The following KIAA0753 variants were observed in gnomAD, a reference collection of about 807,000 sequenced individuals.
KIAA0753 encodes KIAA0753.
KIAA0753 carries 114 observed loss-of-function variants against 116.9 expected under a neutral mutation model. That is an observed-to-expected ratio of 0.98 (90% CI 0.84 to 1.14). The LOEUF is 1.14. Ranked by LOEUF, KIAA0753 falls within the 50% of genes most tolerant of loss-of-function variation. KIAA0753 has a pLI of 0.00. For missense variants in KIAA0753, 1,156 were observed against 1,172.4 expected, an observed-to-expected ratio of 0.99 and a Z score of 0.20; for synonymous variants, 405 against 413.1, an observed-to-expected ratio of 0.98 and a Z score of 0.24.
chr17:6,598,175 G>A (rs1421140454), intron 14 of KIAA0753, among the ~76,000 whole-genome samples: 1 of 152,070 alleles, frequency 6.6e-6, no homozygotes, highest in Non-Finnish European at 1.5e-5. Flanking sequence ...ATATTAAAGT[G>A]CAGTATGGAG....
intron 16 of KIAA0753, among the ~76,000 whole-genome samples, chr17:6,591,274 T>C: frequency 6.6e-6 from 1 of 152,206 alleles, no homozygotes; most frequent in South Asian, 2.1e-4. Flanking sequence ...GTATTTCAAG[T>C]GTAGGAAGAA....
At chr17:6,633,160 G>GA (rs1972107375) in intron 2 of KIAA0753, among the ~76,000 whole-genome samples, 1 of 152,190 alleles carries the variant, frequency 6.6e-6, no homozygotes, top group African/African-American at 2.4e-5. Flanking sequence ...AAATGGTTTA[G>GA]AAAATAATTT....
At chr17:6,602,373 A>G (rs1215732674) in intron 12 of KIAA0753, among the ~76,000 whole-genome samples, 1 of 152,248 alleles carries the variant, frequency 6.6e-6, no homozygotes, top group Non-Finnish European at 1.5e-5. Context: ...CCAAATGTCA[A>G]TTCACAAGAG....
At chr17:6,591,218 A>T (rs193247550) in intron 16 of KIAA0753, among the ~76,000 whole-genome samples, 1 of 152,380 alleles carries the variant, frequency 6.6e-6, no homozygotes, top group East Asian at 1.9e-4. Context: ...TATAACTTGC[A>T]GGCTTGACAG....
At chr17:6,582,607 T>C (rs1968259974) in intron 18 of KIAA0753, among the ~76,000 whole-genome samples, 1 of 152,226 alleles carries the variant, frequency 6.6e-6, no homozygotes. Context: ...TTTAATGTTA[T>C]TCTGATTTGA....
At position 6,596,313 on chromosome 17, in the gene KIAA0753, T is replaced by C. The variant is rs778661528; in HGVS notation, c.2203A>G (p.Ile735Val). The C allele has an allele frequency of 6.2e-7, 1 of 1,612,118 alleles. No homozygotes were observed. Among genetic ancestry groups the C allele is most frequent in the Non-Finnish European group, 8.5e-7 (1 of 1,179,620 alleles). The change falls in exon 15 of 19, where the codon ATT becomes GTT. Residue 735 changes from isoleucine to valine, a missense_variant. Physicochemically the swap from Ile to Val is conservative, Grantham distance 29. Transcript: ENST00000361413. Reference protein sequence around the residue: ...VAAVDFESNNIRQLDDFLEDC... With the variant: ...VAAVDFESNNVRQLDDFLEDC... ...TCCAAAAAATCATCAAGCTGACGAA[T>C]GTTGTTGGATTCAAAATCAACAGCT... is the stretch of plus-strand genomic sequence containing the variant.
intron 11 of KIAA0753, 49 bp downstream of exon 11, chr17:6,607,131 AT>A: frequency 6.9e-7 from 1 of 1,448,456 alleles, no homozygotes; most frequent in Non-Finnish European, 9.7e-7. Flanking sequence ...ATGTATAGAG[AT>A]GTAGAATAGG....
At chr17:6,612,793 A>G (rs187538692) in intron 7 of KIAA0753, among the ~76,000 whole-genome samples, 31 of 152,310 alleles carry the variant, frequency 2.0e-4, no homozygotes, top group Middle Eastern at 3.4e-3. Context: ...GTTTGAACTC[A>G]GGAGACAGAG....
chr17:6,627,664 C>G (rs1054400212), intron 3 of KIAA0753, among the ~76,000 whole-genome samples: 2 of 152,226 alleles, frequency 1.3e-5, no homozygotes, highest in African/African-American at 4.8e-5. Context: ...CTTCCCTTGT[C>G]ACTGGTGTGT....
chr17:6,604,437 AC>A (rs1270244355), intron 12 of KIAA0753, among the ~76,000 whole-genome samples: 1 of 152,118 alleles, frequency 6.6e-6, no homozygotes, highest in Admixed American at 6.5e-5. Flanking sequence ...GTTTGTATCC[AC>A]ACCATGAATA....
intron 7 of KIAA0753, among the ~76,000 whole-genome samples, chr17:6,614,025 A>G (rs1970718917): frequency 6.6e-6 from 1 of 152,244 alleles, no homozygotes; most frequent in African/African-American, 2.4e-5. Flanking sequence ...ACAATCCAAT[A>G]GAGAAATAGA....
chr17:6,590,401 C>G, intron 17 of KIAA0753, 109 bp downstream of exon 17: 4 of 1,361,432 alleles, frequency 2.9e-6, no homozygotes, highest in Non-Finnish European at 4.1e-6. Context: ...CAAGATCTTG[C>G]TCAAAGGAAG....
At chr17:6,588,510 T>C (rs770348631) in intron 18 of KIAA0753, among the ~76,000 whole-genome samples, 38 of 151,996 alleles carry the variant, frequency 2.5e-4, no homozygotes, top group Non-Finnish European at 4.3e-4. Context: ...AAAGTAAGGG[T>C]GGGGCCGATC....
chr17:6,584,618 G>C (rs1399914015), intron 18 of KIAA0753, among the ~76,000 whole-genome samples: 2 of 151,880 alleles, frequency 1.3e-5, no homozygotes, highest in Admixed American at 1.3e-4. Context: ...ATCCCTGCTG[G>C]AGTGCTCTTT....
chr17:6,614,233 C>A (rs1970730765), intron 7 of KIAA0753, among the ~76,000 whole-genome samples: 1 of 152,156 alleles, frequency 6.6e-6, no homozygotes, highest in Non-Finnish European at 1.5e-5. Flanking sequence ...GATTCATATA[C>A]ACTGCAACCC....
At chr17:6,609,541 T>C (rs193096291) in intron 9 of KIAA0753, among the ~76,000 whole-genome samples, 134 of 152,376 alleles carry the variant, frequency 8.8e-4, no homozygotes, top group East Asian at 6.4e-3. Context: ...TATAGTTTTA[T>C]AGTTCATAAT....
chr17:6,586,860 A>G (rs1262029893), intron 18 of KIAA0753, among the ~76,000 whole-genome samples: 3 of 152,250 alleles, frequency 2.0e-5, no homozygotes, highest in Non-Finnish European at 1.5e-5. Flanking sequence ...CTTACCCAAG[A>G]GGCTTTAGAT....
intron 7 of KIAA0753, among the ~76,000 whole-genome samples, chr17:6,613,706 G>A (rs1970698844): frequency 6.6e-6 from 1 of 152,102 alleles, no homozygotes; most frequent in African/African-American, 2.4e-5. Flanking sequence ...CAGAATCCTT[G>A]CCTCACATTG....
At position 6,622,959 on chromosome 17, in the gene KIAA0753, G is replaced by A; in HGVS notation, c.1027C>T (p.Leu343Phe). The change falls in exon 6 of 19, where the codon CTT becomes TTT. Residue 343 changes from leucine to phenylalanine, a missense_variant. Leu to Phe is a conservative substitution (Grantham distance 22). Coordinates refer to ENST00000361413, the MANE Select transcript of KIAA0753 (RefSeq NM_014804.3). ...TCCAGCTTGACAGAACAAAGTGAAA[G>A]CTGGCGAATAAGGCTGCCCAGTTCC... is the stretch of plus-strand genomic sequence containing the variant. ...CKELGSLIRQLSLCSVKLDAD... is the reference protein window; with the variant it reads ...CKELGSLIRQFSLCSVKLDAD... 6.2e-7 allele frequency: 1 copy of A among 1,614,180 alleles called. No homozygotes were observed. Among genetic ancestry groups the A allele is most frequent in the Non-Finnish European group, 8.5e-7 (1 of 1,180,024 alleles).
Sources: allele counts gnomAD v4.1 joint callset (sites outside exome capture counted in the v4.1 genomes callset), GRCh38; gene constraint gnomAD v4.1.1; transcripts MANE v1.5; gene names NCBI Gene and HGNC (gene_info 2026-07-23, HGNC 2026-07-21).